SUV39H2: variants seen among roughly 807,000 people sequenced by gnomAD.
The protein encoded by SUV39H2 is histone-lysine N-methyltransferase SUV39H2.
Under a neutral mutation model 47.5 loss-of-function variants are expected in SUV39H2, and 10 were observed. That is an observed-to-expected ratio of 0.21 (90% confidence interval 0.13 to 0.36). SUV39H2 has a LOEUF of 0.36. Ranked by LOEUF, SUV39H2 falls within the 10% of genes least tolerant of loss-of-function variation. SUV39H2 has a pLI of 1.00. For synonymous variants in SUV39H2, 159 were observed against 166.8 expected (o/e 0.95, Z 0.36); for missense variants, 266 against 487.4 (o/e 0.55, Z 4.28).
At chr10:14,890,654 T>G (rs1434126046) in intron 2 of SUV39H2, among the ~76,000 whole-genome samples, 1 of 152,248 alleles carries the variant, frequency 6.6e-6, no homozygotes, top group African/African-American at 2.4e-5. Context: ...AGTGAGCCAC[T>G]GTGCCCAGCC....
intron 3 of SUV39H2, chr10:14,897,780 A>G: frequency 4.2e-6 from 1 of 238,964 alleles, no homozygotes; most frequent in Non-Finnish European, 7.9e-6. Flanking sequence ...CAAACCTAGG[A>G]TTTGTAAAAT....
At chr10:14,891,912 T>C (rs1833401834) in intron 2 of SUV39H2, among the ~76,000 whole-genome samples, 1 of 152,196 alleles carries the variant, frequency 6.6e-6, no homozygotes, top group Admixed American at 6.5e-5. Context: ...AGATCGTTTG[T>C]AGTAGGAATT....
rs1833644281 is a variant in SUV39H2 at position 14,896,944 on chromosome 10, A to G, written c.276A>G (p.Gln92=). 1 of 1,614,038 alleles carries G rather than the reference A, an allele frequency of 6.2e-7. No homozygotes were observed. The highest frequency in any genetic ancestry group is 8.5e-7 in the Non-Finnish European group (1 of 1,179,950). ...QNLKCPLLLQ[Q]FSNDKHNYLS... is the part of the protein sequence containing the mutation. ...TGAAGTGCCCGTTACTGCTTCAGCA[A>G]TTCTCTAATGACAAGCATAATTATT... Residue 92 remains glutamine (Q), a synonymous_variant, in exon 3 of 6, where the codon CAA becomes CAG. Transcript: ENST00000354919.
chr10:14,899,491 T>C lies in SUV39H2; in HGVS notation c.850-48T>C, dbSNP rs748128649. On this transcript the variant is annotated intron_variant, in intron 3 of 5. Transcript: ENST00000354919. ...ATTAGTAGATAGGTAGATGAATGCT[T>C]CTTTGGTTCAGTAGCTACGTAATAT... 2.5e-6 allele frequency: 4 copies of C among 1,596,294 alleles called. No homozygotes were observed. The East Asian group carries it at 8.9e-5, about 36-fold the overall frequency.
intron 2 of SUV39H2, among the ~76,000 whole-genome samples, chr10:14,881,967 A>G (rs967680157): frequency 4.6e-5 from 7 of 152,188 alleles, no homozygotes; most frequent in South Asian, 2.1e-4. Flanking sequence ...TTTCCCCACT[A>G]TCACCTGAAA....
chr10:14,888,949 C>A (rs1762179788), intron 2 of SUV39H2, among the ~76,000 whole-genome samples: 2 of 151,934 alleles, frequency 1.3e-5, no homozygotes, highest in African/African-American at 2.4e-5. Context: ...ACTAAAAATA[C>A]AAAATTAGCC....
rs558603495 is a variant in SUV39H2 at position 14,890,463 on chromosome 10, G to A, written c.178-6383G>A. On this transcript the variant is annotated intron_variant, in intron 2 of 5. Coordinates refer to ENST00000354919, the MANE Select transcript of SUV39H2 (RefSeq NM_001193424.2). The stretch of plus-strand genomic sequence containing the variant: ...GCTGGAGTGCAGTAGCCTGATCTTG[G>A]CTCACTGCAGCCTTGACATCCCAGG... Among the ~76,000 whole-genome samples, 9 of 152,272 alleles carry A rather than the reference G, an allele frequency of 5.9e-5. No individual in the cohort carries two copies. The South Asian group carries it at 1.9e-3, about 32-fold the overall frequency.
At chr10:14,897,646 T>C in intron 3 of SUV39H2, 129 bp downstream of exon 3, 2 of 836,802 alleles carry the variant, frequency 2.4e-6, no homozygotes, top group Non-Finnish European at 3.3e-6. Context: ...TGTAGAAATT[T>C]ATTCAGATTT....
chr10:14,891,336 G>C (rs927767554), intron 2 of SUV39H2, among the ~76,000 whole-genome samples: 1 of 152,184 alleles, frequency 6.6e-6, no homozygotes, highest in Non-Finnish European at 1.5e-5. Context: ...AGGCATCAGG[G>C]AACAGTTCCA....
chr10:14,884,290 A>C (rs1434879550), intron 2 of SUV39H2, among the ~76,000 whole-genome samples: 1 of 152,196 alleles, frequency 6.6e-6, no homozygotes, highest in African/African-American at 2.4e-5. Flanking sequence ...CATTTCCACC[A>C]GCAGTGTATG....
At chr10:14,902,369 C>T (rs1834084616) in intron 5 of SUV39H2, 37 bp from the exon 6 acceptor site, 1 of 1,402,838 alleles carries the variant, frequency 7.1e-7, no homozygotes, top group Admixed American at 2.1e-5. Context: ...ATTGTCTTAA[C>T]TCTCTTTCTC....
chr10:14,899,476 A>T, intron 3 of SUV39H2, 63 bp from the exon 4 acceptor site: 1 of 1,544,390 alleles, frequency 6.5e-7, no homozygotes, highest in Non-Finnish European at 8.9e-7. Context: ...ATTAGTAGAT[A>T]GGTAGATGAA....
rs371556634 is a variant in SUV39H2, at chr10:14,882,975, C to G, written c.177+1330C>G. ...CTCCACCTCCTGGGTTCCAGCGATTCTCCTGTCTCCGCCTCCTGAGTAGCT... is the reference window on the plus strand; with the variant it reads ...CTCCACCTCCTGGGTTCCAGCGATTGTCCTGTCTCCGCCTCCTGAGTAGCT... On this transcript the variant is annotated intron_variant, in intron 2 of 5. Transcript: ENST00000354919. Among the ~76,000 whole-genome samples, 6 of 151,646 alleles carry G rather than the reference C, an allele frequency of 4.0e-5. No homozygotes were observed. In the East Asian group the frequency reaches 9.9e-4, roughly 25 times the overall value.
chr10:14,896,784 A>G (rs915576035), intron 2 of SUV39H2, 62 bp from the exon 3 acceptor site: 4 of 1,390,356 alleles, frequency 2.9e-6, no homozygotes, highest in African/African-American at 2.9e-5. Context: ...ATTTTTAATT[A>G]TTTTTGGTAA....
At chr10:14,888,148 A>G (rs1328486780) in intron 2 of SUV39H2, among the ~76,000 whole-genome samples, 1 of 152,164 alleles carries the variant, frequency 6.6e-6, no homozygotes, top group African/African-American at 2.4e-5. Context: ...GCTGAGATGT[A>G]TGTGTTGAAA....
intron 3 of SUV39H2, 158 bp from the exon 4 acceptor site, chr10:14,899,381 T>C: frequency 1.3e-6 from 1 of 784,094 alleles, no homozygotes; most frequent in Non-Finnish European, 2.1e-6. Flanking sequence ...TCCCACCTCT[T>C]TGCATCTGAG....
intron 2 of SUV39H2, among the ~76,000 whole-genome samples, chr10:14,885,991 G>C (rs1184332625): frequency 6.6e-6 from 1 of 152,132 alleles, no homozygotes; most frequent in Non-Finnish European, 1.5e-5. Flanking sequence ...TAGGACCAAG[G>C]TTCTTTATCA....
chr10:14,887,130 G>A (rs778807881), intron 2 of SUV39H2, among the ~76,000 whole-genome samples: 6 of 152,196 alleles, frequency 3.9e-5, no homozygotes, highest in Non-Finnish European at 5.9e-5. Flanking sequence ...GGAATAACAC[G>A]TGCATGGCTG....
chr10:14,898,433 A>G (rs983560227), intron 3 of SUV39H2: 1 of 151,192 alleles, frequency 6.6e-6, no homozygotes, highest in South Asian at 2.1e-4. Flanking sequence ...GGAGTTGTCA[A>G]CTCTGGATTT....
Sources: allele counts gnomAD v4.1 joint callset (sites outside exome capture counted in the v4.1 genomes callset), GRCh38; gene constraint gnomAD v4.1.1; transcripts MANE v1.5; gene names NCBI Gene and HGNC (gene_info 2026-07-23, HGNC 2026-07-21).